The following GRID1 variants were observed in gnomAD, a reference collection of about 807,000 sequenced individuals.
The protein encoded by GRID1 is glutamate receptor ionotropic, delta-1.
GRID1 carries 28 observed loss-of-function variants against 98.0 expected under a neutral mutation model. The ratio of observed to expected loss-of-function variants is 0.29; its 90% CI spans 0.21 to 0.39. The LOEUF (loss-of-function observed/expected upper bound fraction) is 0.39, where lower values mean the gene tolerates loss of function less well. GRID1 is among the 10% of genes least tolerant of loss of function. The pLI is 1.00. For synonymous variants in GRID1, 553 were observed against 538.5 expected, an observed-to-expected ratio of 1.03 and a Z score of -0.37; for missense variants, 1,111 against 1,340.5, an observed-to-expected ratio of 0.83 and a Z score of 2.67.
chr10:85,671,829 A>G (rs1366268073), intron 12 of GRID1, among the ~76,000 whole-genome samples: 1 of 152,246 alleles, frequency 6.6e-6, no homozygotes, highest in African/African-American at 2.4e-5. Context: ...AAAGCAAAAG[A>G]GCCTTATTAC....
At chr10:85,974,029 T>C (rs574941812) in intron 4 of GRID1, among the ~76,000 whole-genome samples, 1 of 152,336 alleles carries the variant, frequency 6.6e-6, no homozygotes, top group African/African-American at 2.4e-5. Context: ...CGTCCCATTC[T>C]TGGGCTCAGT....
In GRID1 at chr10:85,720,203, T is replaced by C. The variant is rs1033296790; in HGVS notation, c.1997+2800A>G. ...TCACTGATACTTTGTTATTTATTAA[T>C]TATTAAATGGGAAAATTTTAATTAA... On this transcript the variant is annotated intron_variant, in intron 12 of 15. Transcript: ENST00000327946. 9.8e-5 allele frequency among the ~76,000 whole-genome samples: 15 copies of C among 152,326 alleles called. No individual in the cohort carries two copies. The East Asian group carries it at 2.7e-3, about 27-fold the overall frequency.
intron 12 of GRID1, among the ~76,000 whole-genome samples, chr10:85,667,316 CAGAG>C (rs5786718): frequency 0.03 from 4,483 of 148,748 alleles, 179 homozygotes; most frequent in African/African-American, 0.099. Flanking sequence ...CACACACACA[CAGAG>C]AGAGAGAGAG....
intron 4 of GRID1, among the ~76,000 whole-genome samples, chr10:86,093,097 T>A (rs1373430397): frequency 4.6e-5 from 7 of 152,020 alleles, no homozygotes; most frequent in Admixed American, 4.6e-4. Flanking sequence ...ACCATGCAAA[T>A]CCATAGAAAT....
intron 4 of GRID1, among the ~76,000 whole-genome samples, chr10:86,089,881 G>GGA (rs1398374300): frequency 6.6e-6 from 1 of 151,858 alleles, no homozygotes; most frequent in Non-Finnish European, 1.5e-5. Flanking sequence ...CAAGTAGCTG[G>GGA]GACTGCAGGC....
intron 2 of GRID1, among the ~76,000 whole-genome samples, chr10:86,299,127 C>A (rs1249666868): frequency 1.3e-5 from 2 of 151,940 alleles, no homozygotes; most frequent in African/African-American, 2.4e-5. Flanking sequence ...CACATACAAC[C>A]AATCCTGCCT....
intron 13 of GRID1, among the ~76,000 whole-genome samples, chr10:85,626,581 A>T (rs1008031689): frequency 6.6e-6 from 1 of 152,200 alleles, no homozygotes. Flanking sequence ...ACACATTCTC[A>T]TGTACATTCA....
intron 11 of GRID1, 135 bp from the exon 12 acceptor site, chr10:85,723,276 C>A (rs1189679120): frequency 2.4e-6 from 2 of 825,578 alleles, no homozygotes; most frequent in Non-Finnish European, 3.5e-6. Context: ...TGACTGTCAG[C>A]TGGGTCTGGG....
At chr10:85,837,262 C>G (rs1234445973) in intron 8 of GRID1, among the ~76,000 whole-genome samples, 1 of 152,184 alleles carries the variant, frequency 6.6e-6, no homozygotes, top group Non-Finnish European at 1.5e-5. Flanking sequence ...AGACCTATGC[C>G]AGCCAGCACC....
intron 4 of GRID1, among the ~76,000 whole-genome samples, chr10:85,998,239 A>G (rs1216291531): frequency 6.6e-6 from 1 of 152,214 alleles, no homozygotes; most frequent in African/African-American, 2.4e-5. Flanking sequence ...GGAAGTCCAT[A>G]TCCTGTGTCA....
chr10:86,360,543 T>A (rs1848587000), intron 2 of GRID1, among the ~76,000 whole-genome samples: 1 of 152,200 alleles, frequency 6.6e-6, no homozygotes, highest in Admixed American at 6.5e-5. Context: ...AATGAAAAGG[T>A]CAGTTTAGGT....
chr10:85,736,736 A>G (rs1590210939), intron 8 of GRID1, among the ~76,000 whole-genome samples: 1 of 152,174 alleles, frequency 6.6e-6, no homozygotes, highest in East Asian at 1.9e-4. Context: ...AAATAGGGGT[A>G]AGGTGAAAGG....
At chr10:85,708,306 A>C (rs1241121868) in intron 12 of GRID1, among the ~76,000 whole-genome samples, 3 of 151,918 alleles carry the variant, frequency 2.0e-5, no homozygotes, top group African/African-American at 7.3e-5. Flanking sequence ...CGGGAGGCTG[A>C]GGCAGGAGAA....
At chr10:86,163,615 C>T (rs984298408) in intron 3 of GRID1, among the ~76,000 whole-genome samples, 4 of 152,144 alleles carry the variant, frequency 2.6e-5, no homozygotes, top group African/African-American at 7.2e-5. Context: ...CGTCAGCCAC[C>T]GACCAGGCAG....
chr10:86,040,439 G>A (rs192877156), intron 4 of GRID1, among the ~76,000 whole-genome samples: 17 of 150,670 alleles, frequency 1.1e-4, no homozygotes, highest in Admixed American at 4.0e-4. Flanking sequence ...GTGACAACAT[G>A]GATGAGTCAT....
chr10:86,304,614 A>G (rs1347338523), intron 2 of GRID1, among the ~76,000 whole-genome samples: 1 of 152,218 alleles, frequency 6.6e-6, no homozygotes, highest in East Asian at 1.9e-4. Context: ...GGAAGCTAAC[A>G]CACTGGTAAG....
intron 12 of GRID1, among the ~76,000 whole-genome samples, chr10:85,677,205 A>T (rs1841154400): frequency 6.6e-6 from 1 of 152,224 alleles, no homozygotes; most frequent in Non-Finnish European, 1.5e-5. Context: ...ACTATTCAAC[A>T]GGATAAGAGA....
chr10:85,922,462 A>G (rs969133690), intron 4 of GRID1, among the ~76,000 whole-genome samples: 5 of 152,182 alleles, frequency 3.3e-5, no homozygotes, highest in African/African-American at 1.2e-4. Flanking sequence ...CCACTTATCT[A>G]GGCATCCCCC....
chr10:86,163,635 C>T (rs566045743), intron 3 of GRID1, among the ~76,000 whole-genome samples: 6 of 152,240 alleles, frequency 3.9e-5, no homozygotes, highest in South Asian at 2.1e-4. Flanking sequence ...GGCAGAGAAG[C>T]GGTCAGAGGC....
Sources: allele counts gnomAD v4.1 joint callset (sites outside exome capture counted in the v4.1 genomes callset), GRCh38; gene constraint gnomAD v4.1.1; transcripts MANE v1.5; gene names NCBI Gene and HGNC (gene_info 2026-07-23, HGNC 2026-07-21).